Variants in NCKAP5 observed in about 807,000 individuals in gnomAD.
NCKAP5 encodes NCK associated protein 5.
A neutral mutation model predicts 167.0 loss-of-function variants in NCKAP5; 92 were observed. That is an observed-to-expected ratio of 0.55 (90% CI 0.47 to 0.66). NCKAP5 has a LOEUF of 0.66. Ranked by LOEUF, NCKAP5 falls within the 30% of genes least tolerant of loss-of-function variation. The pLI, the probability that NCKAP5 is intolerant of heterozygous loss-of-function variation, is 0.00. For synonymous variants in NCKAP5, 891 were observed against 877.4 expected (o/e 1.02, Z -0.27); for missense variants, 2,378 against 2,315.0 (o/e 1.03, Z -0.56).
At chr2:133,403,308 C>T (rs1381863842) in intron 3 of NCKAP5, among the ~76,000 whole-genome samples, 1 of 152,108 alleles carries the variant, frequency 6.6e-6, no homozygotes, top group Non-Finnish European at 1.5e-5. Context: ...TTGGCATTGC[C>T]ACAGTATTAA....
chr2:132,927,176 T>C (rs915946952), intron 8 of NCKAP5, among the ~76,000 whole-genome samples: 2 of 152,194 alleles, frequency 1.3e-5, no homozygotes, highest in African/African-American at 4.8e-5. Flanking sequence ...CAGTTGGCTG[T>C]AGGTGTGTGG....
At chr2:133,321,466 A>G (rs1307866591) in intron 3 of NCKAP5, among the ~76,000 whole-genome samples, 1 of 152,200 alleles carries the variant, frequency 6.6e-6, no homozygotes, top group East Asian at 1.9e-4. Flanking sequence ...GTTGATACAG[A>G]ATCTAGAGTT....
chr2:133,348,509 C>A (rs949762669), intron 3 of NCKAP5, among the ~76,000 whole-genome samples: 2 of 151,754 alleles, frequency 1.3e-5, no homozygotes, highest in Non-Finnish European at 2.9e-5. Context: ...AAAGTTACAG[C>A]CCTACTATAG....
At chr2:132,921,765 T>C (rs1695450520) in intron 8 of NCKAP5, among the ~76,000 whole-genome samples, 1 of 152,076 alleles carries the variant, frequency 6.6e-6, no homozygotes, top group African/African-American at 2.4e-5. Flanking sequence ...ACCCTACAAG[T>C]CACTGTTCCT....
intron 3 of NCKAP5, among the ~76,000 whole-genome samples, chr2:133,313,586 A>G (rs1457729553): frequency 6.6e-6 from 1 of 152,100 alleles, no homozygotes; most frequent in Non-Finnish European, 1.5e-5. Flanking sequence ...GGAGATAAAC[A>G]TATATTGGTC....
At chr2:133,594,824 C>T in the NCKAP5 span, among the ~76,000 whole-genome samples, 2 of 152,134 alleles carry the variant, frequency 1.3e-5, no homozygotes, top group Non-Finnish European at 2.9e-5. Flanking sequence ...ATCACTTCAT[C>T]GCTATATGAG....
At position 132,796,698 on chromosome 2, in the gene NCKAP5, G is replaced by C. The variant is rs759301018; in HGVS notation, c.839C>G (p.Ser280Cys). ...KLHSRLLDLS[S>C]GDLLSEVERN... ...TTCCACCTCTGAAAGCAAATCTCCA[G>C]ATGAAAGATCCAAGAGACGTGAGTG... The change falls in exon 12 of 20, where the codon TCT (serine) becomes TGT (cysteine). Residue 280 changes from serine (S) to cysteine (C), a missense_variant. Transcript: ENST00000409261. 1.2e-6 allele frequency: 2 copies of C among 1,613,282 alleles called. No homozygotes were observed.
intron 8 of NCKAP5, among the ~76,000 whole-genome samples, chr2:132,900,852 T>G (rs1004589844): frequency 6.6e-6 from 1 of 150,932 alleles, no homozygotes; most frequent in Non-Finnish European, 1.5e-5. Flanking sequence ...CCCAGCTACT[T>G]GGGAGGCTGA....
intron 3 of NCKAP5, among the ~76,000 whole-genome samples, chr2:133,372,920 T>C (rs1163167079): frequency 6.6e-6 from 1 of 152,200 alleles, no homozygotes; most frequent in Non-Finnish European, 1.5e-5. Context: ...CAGAACTCAT[T>C]TGGACTCCAG....
chr2:132,828,536 A>T (rs1006475095), intron 11 of NCKAP5, among the ~76,000 whole-genome samples: 1 of 152,174 alleles, frequency 6.6e-6, no homozygotes, highest in Non-Finnish European at 1.5e-5. Flanking sequence ...CCCCAGAAAC[A>T]GATGCCACTA....
At chr2:133,570,777 A>G (rs1575172545), upstream of NCKAP5, among the ~76,000 whole-genome samples, 1 of 152,346 alleles carries the variant, frequency 6.6e-6, no homozygotes. Flanking sequence ...AGGTGTGACC[A>G]GCTCCTTGTC....
intron 1 of NCKAP5, among the ~76,000 whole-genome samples, chr2:133,564,717 C>T (rs1424600099): frequency 1.3e-5 from 2 of 152,168 alleles, no homozygotes; most frequent in Admixed American, 6.5e-5. Context: ...AGTCTTCTCT[C>T]TTAAGTAGGG....
chr2:133,133,480 G>A (rs998336700), intron 5 of NCKAP5, among the ~76,000 whole-genome samples: 3 of 152,154 alleles, frequency 2.0e-5, no homozygotes, highest in Non-Finnish European at 2.9e-5. Context: ...CAGAACACAA[G>A]CAACAGCTCA....
chr2:133,565,634 C>T (rs1688492162), intron 1 of NCKAP5, among the ~76,000 whole-genome samples: 1 of 152,180 alleles, frequency 6.6e-6, no homozygotes. Context: ...CCCAAGACAG[C>T]TCTAAGTCCA....
At chr2:133,439,029 A>T (rs1159203594) in intron 3 of NCKAP5, among the ~76,000 whole-genome samples, 1 of 152,230 alleles carries the variant, frequency 6.6e-6, no homozygotes, top group Non-Finnish European at 1.5e-5. Flanking sequence ...ATCTTGTTAC[A>T]ATTTCTGCTG....
intron 3 of NCKAP5, among the ~76,000 whole-genome samples, chr2:133,354,498 C>A (rs1160336534): frequency 6.6e-6 from 1 of 152,086 alleles, no homozygotes; most frequent in Non-Finnish European, 1.5e-5. Context: ...GGAACAAAAT[C>A]CCCATCAGGC....
intron 5 of NCKAP5, among the ~76,000 whole-genome samples, chr2:133,181,287 T>A (rs545431837): frequency 6.6e-6 from 1 of 152,062 alleles, no homozygotes; most frequent in South Asian, 2.1e-4. Context: ...GTATATATAA[T>A]GTAATACTTA....
intron 3 of NCKAP5, among the ~76,000 whole-genome samples, chr2:133,370,711 T>G (rs1685749361): frequency 6.6e-6 from 1 of 152,040 alleles, no homozygotes; most frequent in Non-Finnish European, 1.5e-5. Context: ...TATTTTTTTT[T>G]TTTTTGCATT....
intron 3 of NCKAP5, among the ~76,000 whole-genome samples, chr2:133,457,757 C>T (rs1691949237): frequency 6.6e-6 from 1 of 152,098 alleles, no homozygotes. Context: ...GTTTTTCTCC[C>T]TCTCCCATTT....
Sources: gnomAD v4.1 joint callset for allele counts (sites outside exome capture counted in the v4.1 genomes callset) on GRCh38, gnomAD v4.1.1 for gene constraint, MANE v1.5 for transcripts, NCBI Gene and HGNC (gene_info 2026-07-23, HGNC 2026-07-21) for gene names.